Variants in KCNQ3 observed in about 807,000 individuals in gnomAD.
KCNQ3 encodes potassium voltage-gated channel subfamily KQT member 3.
KCNQ3 carries 30 observed loss-of-function variants against 92.5 expected under a neutral mutation model. The observed-to-expected ratio is 0.32, with a 90% CI of 0.24 to 0.44. The LOEUF (loss-of-function observed/expected upper bound fraction) is 0.44. KCNQ3 is among the 20% of genes least tolerant of loss of function. KCNQ3 has a pLI of 1.00. For missense variants in KCNQ3, 913 were observed against 1,140.3 expected (o/e 0.80, Z 2.87); for synonymous variants, 450 against 468.8 (o/e 0.96, Z 0.52).
chr8:132,228,759 G>GAAA (rs34561294), intron 1 of KCNQ3, among the ~76,000 whole-genome samples: 1 of 118,264 alleles, frequency 8.5e-6, no homozygotes, highest in Non-Finnish European at 1.8e-5. Context: ...GCTGACTCTT[G>GAAA]AAAAAAAAAA....
intron 1 of KCNQ3, among the ~76,000 whole-genome samples, chr8:132,353,161 G>A (rs969788079): frequency 6.6e-5 from 10 of 151,914 alleles, no homozygotes; most frequent in Admixed American, 6.6e-5. Context: ...GGGAGGCAGC[G>A]GTTGCAGTGA....
At position 132,340,646 on chromosome 8, in the gene KCNQ3, G is replaced by A. The variant is rs182302299; in HGVS notation, c.386+139501C>T. Among the ~76,000 whole-genome samples, 48 of 152,200 alleles carry A rather than the reference G, an allele frequency of 3.2e-4. No individual in the cohort carries two copies. In the East Asian group the frequency reaches 8.9e-3, roughly 28 times the overall value. The stretch of plus-strand genomic sequence containing the variant: ...GGGGATGGAGGCAAGGGGAGGATGC[G>A]TTAGGACAAATAGCTAATGCAAGTG... On this transcript the variant is annotated intron_variant, in intron 1 of 14. Transcript: ENST00000388996.
chr8:132,447,726 C>T (rs1040323443), intron 1 of KCNQ3, among the ~76,000 whole-genome samples: 4 of 152,324 alleles, frequency 2.6e-5, no homozygotes, highest in South Asian at 2.1e-4. Context: ...ACAGAAAGAA[C>T]GAGACTGCCT....
At chr8:132,376,124 C>T (rs1819601508) in intron 1 of KCNQ3, among the ~76,000 whole-genome samples, 2 of 152,136 alleles carry the variant, frequency 1.3e-5, no homozygotes, top group Admixed American at 1.3e-4. Context: ...CTCTACTTAA[C>T]TTCATCTGTC....
chr8:132,204,966 C>T (rs1185061822), intron 1 of KCNQ3, among the ~76,000 whole-genome samples: 1 of 152,176 alleles, frequency 6.6e-6, no homozygotes, highest in East Asian at 1.9e-4. Flanking sequence ...TCCTACAGAG[C>T]ATCTTACATG....
chr8:132,155,656 G>T (rs71526246), intron 9 of KCNQ3, among the ~76,000 whole-genome samples: 120 of 152,268 alleles, frequency 7.9e-4, no homozygotes, highest in Admixed American at 3.0e-3. Context: ...AACGTGCAAC[G>T]TCTAACGTGG....
At chr8:132,178,362 T>C (rs1202815213) in intron 4 of KCNQ3, among the ~76,000 whole-genome samples, 1 of 152,216 alleles carries the variant, frequency 6.6e-6, no homozygotes, top group African/African-American at 2.4e-5. Flanking sequence ...AGAAATTGCA[T>C]TCTAAGCTGA....
intron 1 of KCNQ3, among the ~76,000 whole-genome samples, chr8:132,322,781 T>C (rs1018313971): frequency 1.3e-5 from 2 of 152,182 alleles, no homozygotes; most frequent in Non-Finnish European, 2.9e-5. Context: ...GGCTCAAGAC[T>C]ATACAGGCTT....
chr8:132,380,782 A>T (rs1183680928), intron 1 of KCNQ3, among the ~76,000 whole-genome samples: 1 of 151,524 alleles, frequency 6.6e-6, no homozygotes, highest in Non-Finnish European at 1.5e-5. Context: ...TGCCTGTATT[A>T]GGTGGGTACT....
chr8:132,268,356 G>A (rs952256983), intron 1 of KCNQ3, among the ~76,000 whole-genome samples: 1 of 152,042 alleles, frequency 6.6e-6, no homozygotes, highest in East Asian at 1.9e-4. Context: ...CCTCTGCCTC[G>A]TGGGTTCAAG....
At chr8:132,442,346 C>G (rs1279137342) in intron 1 of KCNQ3, among the ~76,000 whole-genome samples, 1 of 152,112 alleles carries the variant, frequency 6.6e-6, no homozygotes, top group Non-Finnish European at 1.5e-5. Flanking sequence ...GCATTAGGCA[C>G]CTCTCCTCTG....
At chr8:132,136,347 A>AT (rs1002882727) in intron 12 of KCNQ3, among the ~76,000 whole-genome samples, 10 of 151,944 alleles carry the variant, frequency 6.6e-5, no homozygotes, top group African/African-American at 2.4e-4. Flanking sequence ...CTGCAATAGG[A>AT]TTTTGGTTTC....
intron 1 of KCNQ3, among the ~76,000 whole-genome samples, chr8:132,279,551 G>T (rs1218165124): frequency 1.3e-5 from 2 of 152,156 alleles, no homozygotes; most frequent in East Asian, 3.8e-4. Context: ...CTACTTGCAG[G>T]TTGAGGATCA....
At chr8:132,379,006 G>A (rs746462690) in intron 1 of KCNQ3, among the ~76,000 whole-genome samples, 2 of 152,302 alleles carry the variant, frequency 1.3e-5, no homozygotes, top group Non-Finnish European at 2.9e-5. Flanking sequence ...GTTATTGAAC[G>A]TTGAGTTAAC....
chr8:132,195,813 A>T (rs889101353), intron 1 of KCNQ3, among the ~76,000 whole-genome samples: 3 of 152,210 alleles, frequency 2.0e-5, no homozygotes, highest in Non-Finnish European at 4.4e-5. Flanking sequence ...CAGTGAAAAG[A>T]TAGAAAATGC....
intron 9 of KCNQ3, among the ~76,000 whole-genome samples, chr8:132,160,965 G>T (rs1825966934): frequency 6.6e-6 from 1 of 152,082 alleles, no homozygotes; most frequent in Admixed American, 6.5e-5. Flanking sequence ...ATGGGAGGGT[G>T]TCAGCTGCCT....
intron 8 of KCNQ3, among the ~76,000 whole-genome samples, chr8:132,168,907 T>C (rs1240899393): frequency 6.6e-6 from 1 of 151,882 alleles, no homozygotes; most frequent in African/African-American, 2.4e-5. Context: ...CAGCCCCAAC[T>C]ATGAGGCTAA....
chr8:132,399,622 T>C (rs1292880248), intron 1 of KCNQ3, among the ~76,000 whole-genome samples: 3 of 152,226 alleles, frequency 2.0e-5, no homozygotes, highest in Admixed American at 1.3e-4. Flanking sequence ...AAGAACTTAA[T>C]GGACACCTCC....
At chr8:132,244,975 C>T (rs1815117653) in intron 1 of KCNQ3, among the ~76,000 whole-genome samples, 1 of 149,122 alleles carries the variant, frequency 6.7e-6, no homozygotes, top group African/African-American at 2.4e-5. Flanking sequence ...ACTGCTCTGG[C>T]TCATTGGTAT....
Sources: gnomAD v4.1 joint callset for allele counts (sites outside exome capture counted in the v4.1 genomes callset) on GRCh38, gnomAD v4.1.1 for gene constraint, MANE v1.5 for transcripts, NCBI Gene and HGNC (gene_info 2026-07-23, HGNC 2026-07-21) for gene names.